The following ELP2 variants were observed in gnomAD, a reference collection of about 807,000 sequenced individuals.
ELP2 encodes elongator acetyltransferase complex subunit 2.
A neutral mutation model predicts 119.2 loss-of-function variants in ELP2; 90 were observed. The observed-to-expected ratio is 0.75, with a 90% CI of 0.64 to 0.90. ELP2 has a LOEUF of 0.90. ELP2 is among the 40% of genes least tolerant of loss of function. The pLI is 0.00. For missense variants in ELP2, 921 were observed against 967.8 expected (o/e 0.95, Z 0.64); for synonymous variants, 339 against 331.0 (o/e 1.02, Z -0.26).
At chr18:36,147,081 GTTTTTTTTTT>G (rs61330040) in intron 11 of ELP2, among the ~76,000 whole-genome samples, 1 of 123,436 alleles carries the variant, frequency 8.1e-6, no homozygotes, top group African/African-American at 3.0e-5. Context: ...AACATGGGTA[GTTTTTTTTTT>G]TTTTTTTTTT....
intron 7 of ELP2, 129 bp downstream of exon 7, chr18:36,142,476 A>G (rs2090065120): frequency 2.6e-6 from 2 of 777,254 alleles, no homozygotes; most frequent in East Asian, 5.1e-5. Context: ...TCCCAATTAG[A>G]AAGGAGGATG....
chr18:36,170,324 T>G (rs2091041722), intron 20 of ELP2, 128 bp downstream of exon 20: 1 of 1,150,050 alleles, frequency 8.7e-7, no homozygotes, highest in Admixed American at 2.3e-5. Context: ...TTTTTTTTTT[T>G]GTTTTGAGAT....
chr18:36,155,552 GA>G (rs1437819666), intron 12 of ELP2, among the ~76,000 whole-genome samples: 1 of 152,100 alleles, frequency 6.6e-6, no homozygotes, highest in African/African-American at 2.4e-5. Flanking sequence ...AGCCACTCTG[GA>G]AAACAGTTGG....
chr18:36,169,913 A>T, intron 19 of ELP2, 150 bp from the exon 20 acceptor site: 1 of 1,009,674 alleles, frequency 9.9e-7, no homozygotes, highest in East Asian at 2.5e-5. Flanking sequence ...AAATGCTCTC[A>T]AGTCCTGGCA....
At chr18:36,170,358 C>A (rs1231489009) in intron 20 of ELP2, among the ~76,000 whole-genome samples, 162 bp downstream of exon 20, 1 of 150,788 alleles carries the variant, frequency 6.6e-6, no homozygotes, top group African/African-American at 2.4e-5. Context: ...GTCGCCCAGG[C>A]TGGAATGCAG....
At chr18:36,144,817 C>T (rs1459447783) in intron 8 of ELP2, 122 bp from the exon 9 acceptor site, 7 of 744,716 alleles carry the variant, frequency 9.4e-6, no homozygotes, top group Non-Finnish European at 1.4e-5. Flanking sequence ...TTTTTTGAAT[C>T]CCAACTATCA....
At chr18:36,161,882 G>A (rs949586621) in intron 17 of ELP2, among the ~76,000 whole-genome samples, 3 of 151,916 alleles carry the variant, frequency 2.0e-5, no homozygotes, top group Admixed American at 6.6e-5. Context: ...TCTTATAGGA[G>A]CCTTTGGGAA....
At chr18:36,172,102 C>G (rs1483181730) in intron 21 of ELP2, among the ~76,000 whole-genome samples, 1 of 150,752 alleles carries the variant, frequency 6.6e-6, no homozygotes, top group Non-Finnish European at 1.5e-5. Context: ...TGGTCTCTAC[C>G]AAAAATAAAA....
At chr18:36,140,257 A>G (rs1042348347) in intron 5 of ELP2, among the ~76,000 whole-genome samples, 1 of 151,204 alleles carries the variant, frequency 6.6e-6, no homozygotes, top group South Asian at 2.1e-4. Context: ...CCTCCTGAGT[A>G]GCTGGGACTC....
chr18:36,146,957 A>C (rs1046306212), intron 11 of ELP2, among the ~76,000 whole-genome samples: 5 of 152,326 alleles, frequency 3.3e-5, no homozygotes, highest in South Asian at 2.1e-4. Flanking sequence ...TTAGATAGCA[A>C]GAACGGAGTG....
intron 11 of ELP2, among the ~76,000 whole-genome samples, chr18:36,150,112 G>C (rs748652999): frequency 6.6e-6 from 1 of 152,150 alleles, no homozygotes; most frequent in Non-Finnish European, 1.5e-5. Context: ...AGGTCTACTA[G>C]CATCAGTCTT....
intron 7 of ELP2, 116 bp from the exon 8 acceptor site, chr18:36,142,708 CAA>C (rs1330885103): frequency 4.3e-6 from 3 of 699,880 alleles, no homozygotes; most frequent in South Asian, 2.0e-5. Context: ...GGTAAGGAAA[CAA>C]AGTATTGTTT....
chr18:36,163,720 C>T (rs2090811317), intron 17 of ELP2, among the ~76,000 whole-genome samples: 1 of 152,146 alleles, frequency 6.6e-6, no homozygotes, highest in South Asian at 2.1e-4. Flanking sequence ...CCCTTCATCA[C>T]TGTGCTTTGT....
At chr18:36,172,066 C>T (rs2091097981) in intron 21 of ELP2, among the ~76,000 whole-genome samples, 1 of 151,764 alleles carries the variant, frequency 6.6e-6, no homozygotes, top group Admixed American at 6.6e-5. Flanking sequence ...GGTGTGTTGG[C>T]TCATGGTCTC....
chr18:36,168,566 A>G (rs1227895114), intron 19 of ELP2, among the ~76,000 whole-genome samples: 1 of 152,200 alleles, frequency 6.6e-6, no homozygotes, highest in Non-Finnish European at 1.5e-5. Flanking sequence ...TTATAAAACC[A>G]TCAGATCTCG....
intron 18 of ELP2, among the ~76,000 whole-genome samples, chr18:36,166,319 GTTTTTT>G (rs60477950): frequency 2.8e-4 from 20 of 71,686 alleles, no homozygotes; most frequent in African/African-American, 1.1e-3. Context: ...GTTTTTTAGG[GTTTTTT>G]TTTTTTTTTT....
intron 17 of ELP2, 90 bp from the exon 18 acceptor site, chr18:36,164,385 T>C: frequency 3.2e-6 from 4 of 1,239,834 alleles, no homozygotes; most frequent in East Asian, 4.7e-5. Context: ...AAATAAAATA[T>C]ACTCATAGAA....
At chr18:36,164,351 A>AT (rs769728203) in intron 17 of ELP2, 124 bp from the exon 18 acceptor site, 34 of 870,988 alleles carry the variant, frequency 3.9e-5, no homozygotes, top group South Asian at 5.8e-5. Context: ...TCTCCTAGGA[A>AT]TTTTTTTTGG....
Position 36,174,544 on chromosome 18 carries a change from A to G in ELP2, c.2384A>G (p.Glu795Gly), listed in dbSNP as rs12607773. 4.7e-3 allele frequency: 7,561 copies of G among 1,614,176 alleles called. 446 individuals are homozygous for G. The East Asian group carries it at 0.13, about 29-fold the overall frequency. The change falls in exon 22 of 22, where the codon GAA (glutamate) becomes GGA (glycine). Residue 795 changes from glutamate to glycine, a missense_variant. Transcript: ENST00000358232. ...TGGAAGAATTGCAGTGGAAAAACTG[A>G]ACAGAAGGAAGCAGAAGGTGCTGAG... ...LCWKNCSGKT[E>G]QKEAEGAEWL...
Sources: gnomAD v4.1 joint callset for allele counts (sites outside exome capture counted in the v4.1 genomes callset) on GRCh38, gnomAD v4.1.1 for gene constraint, MANE v1.5 for transcripts, NCBI Gene and HGNC (gene_info 2026-07-23, HGNC 2026-07-21) for gene names.